Variants in HK2 observed in about 807,000 individuals in gnomAD.
HK2 encodes the protein hexokinase 2.
Under a neutral mutation model 92.9 loss-of-function variants are expected in HK2, and 42 were observed. That is an observed-to-expected ratio of 0.45 (90% CI 0.35 to 0.58). The LOEUF (loss-of-function observed/expected upper bound fraction) is 0.58. Ranked by LOEUF, HK2 falls within the 20% of genes least tolerant of loss-of-function variation. HK2 has a pLI of 0.00. For missense variants in HK2, 978 were observed against 1,245.1 expected, an observed-to-expected ratio of 0.79 and a Z score of 3.23; for synonymous variants, 422 against 468.0, an observed-to-expected ratio of 0.90 and a Z score of 1.27.
rs750908767 is a variant in HK2, at chr2:74,835,729, G to T, written c.63+1086G>T. 3.3e-5 allele frequency among the ~76,000 whole-genome samples: 5 copies of T among 152,354 alleles called. No homozygotes were observed. In the South Asian group the frequency reaches 8.3e-4, roughly 25 times the overall value. On this transcript the variant is annotated intron_variant, in intron 1 of 17. Transcript: ENST00000290573. Reference sequence around the variant, plus strand: ...GGGCCTGGGCTACGATTTGAGGTAGGGGACAAGTTGGGAGGGGATTAGCTG... The same window carrying T: ...GGGCCTGGGCTACGATTTGAGGTAGTGGACAAGTTGGGAGGGGATTAGCTG...
Position 74,893,140 on chromosome 2 carries a change from T to A in HK2, c.*2199T>A, listed in dbSNP as rs1050119938. ...GAAAATAAATTTTGAATGTTTATGTTCTCAGAATCAGGTTGACAGTCCCTT... is the reference window on the plus strand; with the variant it reads ...GAAAATAAATTTTGAATGTTTATGTACTCAGAATCAGGTTGACAGTCCCTT... On this transcript the variant is annotated 3_prime_UTR_variant, in exon 18 of 18. Coordinates refer to ENST00000290573, the MANE Select transcript of HK2 (RefSeq NM_000189.5). 62 of 152,108 alleles carry A rather than the reference T, an allele frequency of 4.1e-4. No individual in the cohort carries two copies. Among genetic ancestry groups the A allele is most frequent in the African/African-American group, 1.3e-3 (54 of 41,418 alleles). 9.4% of individuals were successfully genotyped at this position (152,108 alleles called of 1,614,324 possible). A position where few individuals can be genotyped will look rare whatever the true frequency, so the allele number is the denominator to read the frequency against.
At chr2:74,882,079 G>T in intron 11 of HK2, 41 bp from the exon 12 acceptor site, 1 of 1,605,000 alleles carries the variant, frequency 6.2e-7, no homozygotes, top group Non-Finnish European at 8.5e-7. Context: ...AGCCTGCCCT[G>T]CCCAGGGCCC....
chr2:74,855,938 G>T (rs1000428695), intron 2 of HK2, among the ~76,000 whole-genome samples: 3 of 152,096 alleles, frequency 2.0e-5, no homozygotes, highest in African/African-American at 7.2e-5. Context: ...CTCATAATAG[G>T]TGCCTCCATT....
At chr2:74,840,878 CAAAAAAAAAAAA>C (rs56344068) in intron 1 of HK2, among the ~76,000 whole-genome samples, 2 of 55,968 alleles carry the variant, frequency 3.6e-5, no homozygotes, top group South Asian at 1.0e-3. Context: ...GACTCTGTCT[CAAAAAAAAAAAA>C]AAAAAAAAAA....
Position 74,889,497 on chromosome 2 carries a change from C to A in HK2, c.2609+19C>A. On this transcript the variant is annotated intron_variant, in intron 17 of 17. Transcript: ENST00000290573. Reference sequence around the variant, plus strand: ...ATCCTCAGTGAGTGCCTGATCCCAGCCCCCCCTGCCTACCTTCTTTCTGTC... The same window carrying A: ...ATCCTCAGTGAGTGCCTGATCCCAGACCCCCCTGCCTACCTTCTTTCTGTC... The A allele has an allele frequency of 2.0e-6, 3 of 1,471,678 alleles. No individual in the cohort carries two copies. The highest frequency in any genetic ancestry group is 2.8e-6 in the Non-Finnish European group (3 of 1,059,040). The allele number at this position is 1,471,678 out of a possible 1,614,324, so 91.2% of individuals were successfully genotyped here. A position where few individuals can be genotyped will look rare whatever the true frequency, so the allele number is the denominator to read the frequency against.
chr2:74,874,596 A>G, intron 7 of HK2, 147 bp downstream of exon 7: 1 of 731,264 alleles, frequency 1.4e-6, no homozygotes, highest in South Asian at 1.9e-5. Flanking sequence ...GTCTGTGACT[A>G]TAAATTGCTG....
intron 12 of HK2, among the ~76,000 whole-genome samples, chr2:74,884,567 G>C (rs1156748464): frequency 6.6e-6 from 1 of 152,250 alleles, no homozygotes. Flanking sequence ...TTGTTTTTCT[G>C]AATCTCCTGG....
chr2:74,891,674 AGTTT>A lies in HK2; in HGVS notation c.*738_*741del, dbSNP rs1159255333. ...GACCTTTGGGGAAGGGGGAGTTTTT[AGTTT>A]GTTTTACAAATTTTTCCTGCAAAAG... On this transcript the variant is annotated 3_prime_UTR_variant, in exon 18 of 18. Coordinates refer to ENST00000290573, the MANE Select transcript of HK2 (RefSeq NM_000189.5). The A allele has an allele frequency of 6.6e-6, 1 of 152,232 alleles. No homozygotes were observed. Among genetic ancestry groups the A allele is most frequent in the African/African-American group, 2.4e-5 (1 of 41,432 alleles). The allele number at this position is 152,232 out of a possible 1,614,324, so 9.4% of individuals were successfully genotyped here. A position where few individuals can be genotyped will look rare whatever the true frequency, so the allele number is the denominator to read the frequency against.
intron 3 of HK2, among the ~76,000 whole-genome samples, chr2:74,868,559 C>CTCT (rs959901002): frequency 6.6e-6 from 1 of 152,096 alleles, no homozygotes; most frequent in African/African-American, 2.4e-5. Context: ...TAATCTAGTA[C>CTCT]TCTTCGTGTT....
At chr2:74,878,609 C>A (rs1384678249) in intron 8 of HK2, 79 bp from the exon 9 acceptor site, 2 of 1,149,302 alleles carry the variant, frequency 1.7e-6, no homozygotes, top group African/African-American at 1.5e-5. Flanking sequence ...AACTAAAGGG[C>A]TTCCTTGCCA....
Position 74,881,840 on chromosome 2 carries a change from T to C in HK2, c.1700T>C (p.Met567Thr), listed in dbSNP as rs985423023. Reference protein sequence around the residue: ...NKIYAIPQEVMHGTGDELFDH... With the variant: ...NKIYAIPQEVTHGTGDELFDH... ...ATCTACGCCATCCCGCAGGAGGTCA[T>C]GCACGGCACCGGGGACGAGGTGAGC... Residue 567 changes from methionine to threonine, a missense_variant, in exon 11 of 18, where the codon ATG becomes ACG. Met to Thr is a moderately conservative substitution (Grantham distance 81). Transcript: ENST00000290573. The C allele has an allele frequency of 1.2e-6, 2 of 1,614,180 alleles. No individual in the cohort carries two copies. Among genetic ancestry groups the C allele is most frequent in the Non-Finnish European group, 1.7e-6 (2 of 1,180,016 alleles).
At chr2:74,837,820 C>A (rs1014742765) in intron 1 of HK2, among the ~76,000 whole-genome samples, 9 of 152,026 alleles carry the variant, frequency 5.9e-5, no homozygotes, top group Non-Finnish European at 1.2e-4. Context: ...GGATTACAGG[C>A]GTGCGCCACC....
chr2:74,888,591 T>C (rs550092924), intron 16 of HK2, among the ~76,000 whole-genome samples: 2 of 152,334 alleles, frequency 1.3e-5, no homozygotes, highest in East Asian at 3.9e-4. Context: ...AAATTAATGC[T>C]GTGCCATTAC....
chr2:74,879,033 G>A, intron 9 of HK2, 112 bp downstream of exon 9: 3 of 891,522 alleles, frequency 3.4e-6, no homozygotes, highest in East Asian at 5.3e-5. Context: ...AGGGACCATA[G>A]AGCTGAGGGT....
In HK2 at chr2:74,877,166, G is replaced by A. The variant is rs760447271; in HGVS notation, c.876G>A (p.Leu292=). Residue 292 remains leucine, a splice_region_variant and synonymous_variant, in exon 8 of 18, where the codon CTG becomes CTA. Coordinates refer to ENST00000290573, the MANE Select transcript of HK2 (RefSeq NM_000189.5). ...GTTTTTGGTTTGTGTCTTCCGGCAG[G>A]TTTGAGAAGATGATCAGTGGGATGT... ...DMGSLNPGKQ[L]FEKMISGMYM... is the part of the protein sequence containing the mutation. The A allele has an allele frequency of 6.2e-7, 1 of 1,614,004 alleles. No individual in the cohort carries two copies. The highest frequency in any genetic ancestry group is 8.5e-7 in the Non-Finnish European group (1 of 1,180,038).
chr2:74,844,843 G>C (rs1042766211), intron 1 of HK2, among the ~76,000 whole-genome samples: 2 of 152,228 alleles, frequency 1.3e-5, no homozygotes, highest in African/African-American at 4.8e-5. Context: ...GGTCAGTCGG[G>C]AGTAGCCAGC....
chr2:74,889,596 A>G, intron 17 of HK2, 118 bp downstream of exon 17: 1 of 769,692 alleles, frequency 1.3e-6, no homozygotes, highest in Non-Finnish European at 2.3e-6. Context: ...CAAATAGTGT[A>G]TATAATACAT....
At chr2:74,848,171 A>G (rs987894156) in intron 1 of HK2, among the ~76,000 whole-genome samples, 4 of 152,172 alleles carry the variant, frequency 2.6e-5, no homozygotes, top group South Asian at 2.1e-4. Flanking sequence ...CCAGTCTCTC[A>G]GGCCACTTAA....
At chr2:74,867,459 A>G (rs945095462) in intron 2 of HK2, among the ~76,000 whole-genome samples, 177 bp from the exon 3 acceptor site, 1 of 152,176 alleles carries the variant, frequency 6.6e-6, no homozygotes, top group African/African-American at 2.4e-5. Flanking sequence ...TTAAAAAAAT[A>G]ATAATGTAAA....
Sources: gnomAD v4.1 joint callset for allele counts (sites outside exome capture counted in the v4.1 genomes callset) on GRCh38, gnomAD v4.1.1 for gene constraint, MANE v1.5 for transcripts, NCBI Gene and HGNC (gene_info 2026-07-23, HGNC 2026-07-21) for gene names.